CYP46A1: variants seen among roughly 807,000 people sequenced by gnomAD.
The protein encoded by CYP46A1 is cytochrome P450 family 46 subfamily A member 1.
In CYP46A1, 20 loss-of-function variants were observed where a neutral mutation model predicts 63.3. The ratio of observed to expected loss-of-function variants is 0.32; its 90% CI spans 0.22 to 0.46. The LOEUF is 0.46. Ranked by LOEUF, CYP46A1 falls within the 20% of genes least tolerant of loss-of-function variation. CYP46A1 has a pLI of 1.00. For missense variants in CYP46A1, 445 were observed against 670.8 expected, an observed-to-expected ratio of 0.66 and a Z score of 3.72; for synonymous variants, 268 against 273.6, an observed-to-expected ratio of 0.98 and a Z score of 0.20.
At chr14:99,716,739 C>T (rs75136142) in intron 9 of CYP46A1, among the ~76,000 whole-genome samples, 1 of 152,266 alleles carries the variant, frequency 6.6e-6, no homozygotes, top group South Asian at 2.1e-4. Flanking sequence ...AATTGAGTGA[C>T]GTCTGTTCCC....
intron 5 of CYP46A1, chr14:99,706,378 A>G: frequency 2.5e-6 from 1 of 405,104 alleles, no homozygotes; most frequent in East Asian, 4.8e-5. Context: ...GAAGGGCCAC[A>G]GTGACCAACA....
intron 5 of CYP46A1, 85 bp from the exon 6 acceptor site, chr14:99,706,562 A>G (rs2273839): frequency 0.36 from 550,785 of 1,548,960 alleles, 100,464 homozygotes; most frequent in South Asian, 0.41. Flanking sequence ...TCTGCACAGT[A>G]TCCTCTCTGT....
chr14:99,692,368 A>T (rs1025238862), intron 3 of CYP46A1, among the ~76,000 whole-genome samples: 4 of 152,192 alleles, frequency 2.6e-5, no homozygotes, highest in African/African-American at 9.7e-5. Flanking sequence ...GTGAAACCTC[A>T]TCTCTACTAA....
intron 7 of CYP46A1, among the ~76,000 whole-genome samples, chr14:99,714,161 A>G (rs538980184): frequency 6.6e-6 from 1 of 152,242 alleles, no homozygotes; most frequent in Admixed American, 6.5e-5. Flanking sequence ...GATAAATGCA[A>G]ATCTGTGAGA....
rs779723628 is a variant in CYP46A1, at chr14:99,726,623, C to T, written c.1399C>T (p.Arg467Cys). 2.5e-5 allele frequency: 39 copies of T among 1,570,164 alleles called. No homozygotes were observed. The highest frequency in any genetic ancestry group is 5.7e-5 in the Admixed American group (3 of 52,910). ...GGAGTTCCGGCTGGTGCCCGGGCAGCGCTTCGGGCTGCAGGAGCAGGCCAC... is the reference window on the plus strand; with the variant it reads ...GGAGTTCCGGCTGGTGCCCGGGCAGTGCTTCGGGCTGCAGGAGCAGGCCAC... ...RLEFRLVPGQ[R>C]FGLQEQATLK... is the part of the protein sequence containing the mutation. Residue 467 changes from arginine (R) to cysteine (C), a missense_variant, in exon 15 of 15, where the codon CGC becomes TGC. Transcript: ENST00000261835.
chr14:99,706,713 C>T lies in CYP46A1; in HGVS notation c.510C>T (p.Ala170=). 3 of 1,613,874 alleles carry T rather than the reference C, an allele frequency of 1.9e-6. No homozygotes were observed. The highest frequency in any genetic ancestry group is 2.5e-6 in the Non-Finnish European group (3 of 1,180,018). ...AGCAGCTGGTGGAGATTCTAGAAGC[C>T]AAGGCAGATGGGCAGACCCCAGTGT... The part of the protein sequence containing the change: ...KAEQLVEILE[A]KADGQTPVSM... Residue 170 remains alanine (A), a synonymous_variant, in exon 6 of 15, where the codon GCC becomes GCT. Transcript: ENST00000261835.
chr14:99,725,575 C>G lies in CYP46A1; in HGVS notation c.1265+96C>G, dbSNP rs138954224. 1.4e-5 allele frequency: 12 copies of G among 839,308 alleles called. No homozygotes were observed. Among genetic ancestry groups the G allele is most frequent in the African/African-American group, 1.7e-5 (1 of 59,900 alleles). 52.0% of individuals were successfully genotyped at this position (839,308 alleles called of 1,614,324 possible). On this transcript the variant is annotated intron_variant, in intron 13 of 14. Coordinates refer to ENST00000261835, the MANE Select transcript of CYP46A1 (RefSeq NM_006668.2). The surrounding 1 kb of genome is among the most constrained non-coding windows in gnomAD (Gnocchi z 4.2). ...GAGCCAGAGGCACCCACTCAGCCCA[C>G]ATAGCCTTCCAGATCCCTGTGAGGT... is the stretch of plus-strand genomic sequence containing the variant.
At chr14:99,691,254 C>A in intron 2 of CYP46A1, 93 bp downstream of exon 2, 1 of 1,252,182 alleles carries the variant, frequency 8.0e-7, no homozygotes, top group Non-Finnish European at 1.2e-6. Flanking sequence ...CCAGCCTCAC[C>A]TTCCCCTAGC....
intron 7 of CYP46A1, 126 bp from the exon 8 acceptor site, chr14:99,715,684 A>C: frequency 7.9e-7 from 1 of 1,271,306 alleles, no homozygotes. Flanking sequence ...TCTTTTCTAG[A>C]ATTTCTCACA....
At chr14:99,717,930 G>A in intron 9 of CYP46A1, 124 bp from the exon 10 acceptor site, 1 of 713,512 alleles carries the variant, frequency 1.4e-6, no homozygotes, top group Non-Finnish European at 2.3e-6. Flanking sequence ...GGGGCTTTTA[G>A]AGCCAGATGC....
chr14:99,693,532 C>T (rs2056561288), intron 3 of CYP46A1: 1 of 152,082 alleles, frequency 6.6e-6, no homozygotes, highest in South Asian at 2.1e-4. Flanking sequence ...ATTCAATTTG[C>T]TAATATTTTG....
intron 5 of CYP46A1, among the ~76,000 whole-genome samples, chr14:99,704,865 G>C (rs1410701230): frequency 1.3e-5 from 2 of 152,204 alleles, no homozygotes; most frequent in African/African-American, 2.4e-5. Flanking sequence ...GAGACATTCA[G>C]GTAGTGATGG....
At chr14:99,720,459 C>T (rs1231556792) in intron 10 of CYP46A1, among the ~76,000 whole-genome samples, 9 of 127,386 alleles carry the variant, frequency 7.1e-5, no homozygotes, top group African/African-American at 1.8e-4. Context: ...CAGATCCACT[C>T]TTTTTTTTTT....
chr14:99,722,906 C>G lies in CYP46A1; in HGVS notation c.1176+840C>G, dbSNP rs1369648949. The G allele has an allele frequency of 2.2e-6, 1 of 454,252 alleles. No homozygotes were observed. The highest frequency in any genetic ancestry group is 4.4e-6 in the Non-Finnish European group (1 of 225,368). 28.1% of individuals were successfully genotyped at this position (454,252 alleles called of 1,614,324 possible). On this transcript the variant is annotated intron_variant, in intron 12 of 14. Transcript: ENST00000261835. This position sits in a 1 kb window ranked among gnomAD's most constrained non-coding sequence, Gnocchi z 4.6. ...TCCAGGAACAGTGTGCAAGCCAGCTCCTCGGACATTTACCCAGAAGTGAGA... is the reference window on the plus strand; with the variant it reads ...TCCAGGAACAGTGTGCAAGCCAGCTGCTCGGACATTTACCCAGAAGTGAGA...
At chr14:99,686,111 A>G (rs1010115257) in intron 1 of CYP46A1, among the ~76,000 whole-genome samples, 4 of 152,184 alleles carry the variant, frequency 2.6e-5, no homozygotes, top group Non-Finnish European at 5.9e-5. Flanking sequence ...TTGTACATGC[A>G]TAGTAGACAC....
chr14:99,703,742 A>G, intron 5 of CYP46A1: 1 of 950,428 alleles, frequency 1.1e-6, no homozygotes, highest in Non-Finnish European at 1.3e-6. Flanking sequence ...CCCTGAAGGC[A>G]GAAGACGCAC....
At chr14:99,691,322 T>A in intron 2 of CYP46A1, 161 bp downstream of exon 2, 1 of 674,338 alleles carries the variant, frequency 1.5e-6, no homozygotes, top group Non-Finnish European at 2.6e-6. Flanking sequence ...TGAGGCTGGC[T>A]TGGAAGCCAT....
rs1026268557 is a variant in CYP46A1 at position 99,691,311 on chromosome 14, G to A, written c.200+150G>A. 1.6e-4 allele frequency: 112 copies of A among 712,732 alleles called. No homozygotes were observed. The African/African-American group carries it at 1.6e-3, about 10-fold the overall frequency. The allele number at this position is 712,732 out of a possible 1,614,324, so 44.2% of individuals were successfully genotyped here. On this transcript the variant is annotated intron_variant, in intron 2 of 14. Transcript: ENST00000261835. ...CAGTTCCTCCCCTGAGTGGAGGCAG[G>A]TGAGGCTGGCTTGGAAGCCATGCTC...
chr14:99,724,837 G>A (rs2056880860), intron 12 of CYP46A1, among the ~76,000 whole-genome samples: 1 of 152,198 alleles, frequency 6.6e-6, no homozygotes. Context: ...TTGTCCCAGT[G>A]TTTGGAGGCC....
Sources: allele counts gnomAD v4.1 joint callset (sites outside exome capture counted in the v4.1 genomes callset), GRCh38; gene constraint gnomAD v4.1.1; non-coding constraint Gnocchi (gnomAD v3.1); transcripts MANE v1.5; gene names NCBI Gene and HGNC (gene_info 2026-07-23, HGNC 2026-07-21).